PPP1CB: variants seen among roughly 807,000 people sequenced by gnomAD.
PPP1CB encodes the protein serine/threonine-protein phosphatase PP1-beta catalytic subunit.
In PPP1CB, 2 loss-of-function variants were observed where a neutral mutation model predicts 43.7. That is an observed-to-expected ratio of 0.05 (90% confidence interval 0.02 to 0.14). The LOEUF (loss-of-function observed/expected upper bound fraction) is 0.14. Ranked by LOEUF, PPP1CB falls within the 10% of genes least tolerant of loss-of-function variation. PPP1CB has a pLI of 1.00. For synonymous variants in PPP1CB, 136 were observed against 135.6 expected, an observed-to-expected ratio of 1.00 and a Z score of -0.02; for missense variants, 84 against 398.0, an observed-to-expected ratio of 0.21 and a Z score of 6.71.
intron 4 of PPP1CB, chr2:28,782,900 A>G (rs576166256): frequency 1.2e-4 from 19 of 152,330 alleles, no homozygotes; most frequent in African/African-American, 4.6e-4. Flanking sequence ...AACATAATTC[A>G]CTATATTAAT....
rs1304973708 is a variant in PPP1CB, at chr2:28,799,782, TACAG to T, written c.*483_*486del. On this transcript the variant is annotated 3_prime_UTR_variant, in exon 8 of 8. Coordinates refer to ENST00000395366, the MANE Select transcript of PPP1CB (RefSeq NM_002709.3). Reference sequence around the variant, plus strand: ...TAAAAGTGAAATATGGGAAGAGCTTTACAGACATTCACCAACTATTATTTTCCCT... The same window carrying T: ...TAAAAGTGAAATATGGGAAGAGCTTTACATTCACCAACTATTATTTTCCCT... The T allele has an allele frequency of 6.5e-6, 1 of 152,758 alleles. No homozygotes were observed. The highest frequency in any genetic ancestry group is 1.5e-5 in the Non-Finnish European group (1 of 68,118). 9.5% of individuals were successfully genotyped at this position (152,758 alleles called of 1,614,324 possible).
intron 7 of PPP1CB, among the ~76,000 whole-genome samples, chr2:28,796,065 GTTA>G (rs1292486836): frequency 6.6e-6 from 1 of 152,136 alleles, no homozygotes; most frequent in Admixed American, 6.6e-5. Flanking sequence ...TCCATTGCTT[GTTA>G]TTGTTGACTT....
intron 1 of PPP1CB, among the ~76,000 whole-genome samples, 170 bp downstream of exon 1, chr2:28,752,346 G>A (rs962675205): frequency 2.6e-5 from 4 of 152,170 alleles, no homozygotes; most frequent in African/African-American, 9.7e-5. Flanking sequence ...CTCTGGGCGC[G>A]GGGGAGCGGC....
intron 6 of PPP1CB, among the ~76,000 whole-genome samples, chr2:28,791,298 C>T (rs1667378782): frequency 6.6e-6 from 1 of 151,796 alleles, no homozygotes; most frequent in African/African-American, 2.4e-5. Context: ...GTTCCCACAT[C>T]CTTTGATTTT....
rs138283376 is a variant in PPP1CB, at chr2:28,794,730, A to G, written c.879+733A>G. ...TTCCTGAGGAAAAAAAACTTTCAAA[A>G]TAATACTAAACTACCCGTTTATGTC... On this transcript the variant is annotated intron_variant, in intron 7 of 7. Coordinates refer to ENST00000395366, the MANE Select transcript of PPP1CB (RefSeq NM_002709.3). Among the ~76,000 whole-genome samples, 5 of 152,236 alleles carry G rather than the reference A, an allele frequency of 3.3e-5. No individual in the cohort carries two copies. In the East Asian group the frequency reaches 7.7e-4, roughly 23 times the overall value.
chr2:28,771,042 C>T (rs1666898622), intron 1 of PPP1CB, among the ~76,000 whole-genome samples: 2 of 28,130 alleles, frequency 7.1e-5, no homozygotes, highest in Non-Finnish European at 7.2e-5. Context: ...TTCCCTGCTC[C>T]CCCCCCCCCA....
intron 1 of PPP1CB, among the ~76,000 whole-genome samples, chr2:28,772,564 T>C (rs1461476572): frequency 3.3e-5 from 5 of 152,096 alleles, no homozygotes; most frequent in Admixed American, 6.5e-5. Flanking sequence ...AAGATAAATA[T>C]GCCCATGGAT....
chr2:28,757,927 G>A (rs1224225020), intron 1 of PPP1CB, among the ~76,000 whole-genome samples: 1 of 151,572 alleles, frequency 6.6e-6, no homozygotes, highest in Non-Finnish European at 1.5e-5. Context: ...CACATTAAGA[G>A]TCAGGATTAG....
intron 5 of PPP1CB, among the ~76,000 whole-genome samples, chr2:28,784,690 G>A (rs528439516): frequency 6.6e-5 from 10 of 152,060 alleles, no homozygotes; most frequent in African/African-American, 2.4e-4. Context: ...GGCTGAGGTG[G>A]GCAGGATCAC....
rs566586975 is a variant in PPP1CB at position 28,758,322 on chromosome 2, A to G, written c.52+6146A>G. Reference sequence around the variant, plus strand: ...TTCTAACAGGTAAAGTAATACAGGTATGAAGGAATGTTAAGATTCTTAGAA... The same window carrying G: ...TTCTAACAGGTAAAGTAATACAGGTGTGAAGGAATGTTAAGATTCTTAGAA... On this transcript the variant is annotated intron_variant, in intron 1 of 7. Transcript: ENST00000395366. Among the ~76,000 whole-genome samples the G allele has an allele frequency of 3.9e-5, 6 of 152,362 alleles. No individual in the cohort carries two copies. The South Asian group carries it at 8.3e-4, about 21-fold the overall frequency.
chr2:28,752,415 G>A (rs561993065), intron 1 of PPP1CB, among the ~76,000 whole-genome samples: 65 of 152,184 alleles, frequency 4.3e-4, no homozygotes, highest in Admixed American at 6.5e-4. Flanking sequence ...CGGACCCTCG[G>A]GGGCCAGGCC....
At chr2:28,760,885 G>C (rs751058560) in intron 1 of PPP1CB, among the ~76,000 whole-genome samples, 1 of 152,124 alleles carries the variant, frequency 6.6e-6, no homozygotes, top group African/African-American at 2.4e-5. Context: ...AGCCAAACTA[G>C]CGAGACAAAA....
intron 3 of PPP1CB, 67 bp from the exon 4 acceptor site, chr2:28,781,671 C>A: frequency 1.9e-6 from 2 of 1,064,840 alleles, no homozygotes; most frequent in South Asian, 1.5e-5. Flanking sequence ...CATAATCCTG[C>A]GGCTTTGAGA....
Position 28,754,352 on chromosome 2 carries a change from G to A in PPP1CB, c.52+2176G>A, listed in dbSNP as rs1205724135. On this transcript the variant is annotated intron_variant, in intron 1 of 7. Coordinates refer to ENST00000395366, the MANE Select transcript of PPP1CB (RefSeq NM_002709.3). ...TTTCCTTTTTTGGGGGGGCGGGGGG[G>A]GGGCGGGTAAGAATTGTAGTCCAGA... is the stretch of plus-strand genomic sequence containing the variant. 4.8e-5 allele frequency among the ~76,000 whole-genome samples: 6 copies of A among 126,170 alleles called. No individual in the cohort carries two copies. The Admixed American group carries it at 5.0e-4, about 11-fold the overall frequency. The allele number at this position is 126,170 out of a possible 152,430, so 82.8% of individuals were successfully genotyped here.
Position 28,752,326 on chromosome 2 carries a change from G to A in PPP1CB, c.52+150G>A, listed in dbSNP as rs377420299. On this transcript the variant is annotated intron_variant, in intron 1 of 7. Transcript: ENST00000395366. The stretch of plus-strand genomic sequence containing the variant: ...GGCGCGGCGGACGAACCGAGGAGGG[G>A]GCGAGGAGGCTCTGGGCGCGGGGGA... 73 of 767,118 alleles carry A rather than the reference G, an allele frequency of 9.5e-5. No individual in the cohort carries two copies. In the African/African-American group the frequency reaches 1.3e-3, roughly 13 times the overall value. The allele number at this position is 767,118 out of a possible 1,614,324, so 47.5% of individuals were successfully genotyped here.
chr2:28,759,684 C>T lies in PPP1CB; in HGVS notation c.52+7508C>T, dbSNP rs138697470. 6.0e-4 allele frequency among the ~76,000 whole-genome samples: 90 copies of T among 150,808 alleles called. No individual in the cohort carries two copies. In the East Asian group the frequency reaches 0.016, roughly 27 times the overall value. ...CCAGGCTGGAGTGCAGTGACGCGAT[C>T]TCAGTTCACCACAACCTCTGCCTCT... On this transcript the variant is annotated intron_variant, in intron 1 of 7. Coordinates refer to ENST00000395366, the MANE Select transcript of PPP1CB (RefSeq NM_002709.3).
intron 4 of PPP1CB, chr2:28,782,070 A>C (rs1281819576): frequency 6.1e-6 from 3 of 490,790 alleles, no homozygotes; most frequent in Admixed American, 3.8e-5. Flanking sequence ...GTGTAACTAG[A>C]GTTGTTTGAG....
chr2:28,802,601 A>C lies in PPP1CB; in HGVS notation c.*3298A>C, dbSNP rs1667645503. The C allele has an allele frequency of 6.6e-6, 1 of 152,262 alleles. No individual in the cohort carries two copies. The highest frequency in any genetic ancestry group is 6.5e-5 in the Admixed American group (1 of 15,288). 9.4% of individuals were successfully genotyped at this position (152,262 alleles called of 1,614,324 possible). A position where few individuals can be genotyped will look rare whatever the true frequency, so the allele number is the denominator to read the frequency against. Reference sequence around the variant, plus strand: ...ATGAACAGTAGTTAAATAGGAAATAAACTAGTTCCATATAAGTATACACCT... The same window carrying C: ...ATGAACAGTAGTTAAATAGGAAATACACTAGTTCCATATAAGTATACACCT... On this transcript the variant is annotated 3_prime_UTR_variant, in exon 8 of 8. Coordinates refer to ENST00000395366, the MANE Select transcript of PPP1CB (RefSeq NM_002709.3).
At chr2:28,762,719 C>T (rs1666684291) in intron 1 of PPP1CB, among the ~76,000 whole-genome samples, 2 of 152,198 alleles carry the variant, frequency 1.3e-5, no homozygotes, top group African/African-American at 2.4e-5. Context: ...ATGGATCTTA[C>T]ACATGACTTT....
Sources: allele counts gnomAD v4.1 joint callset (sites outside exome capture counted in the v4.1 genomes callset), GRCh38; gene constraint gnomAD v4.1.1; transcripts MANE v1.5; gene names NCBI Gene and HGNC (gene_info 2026-07-23, HGNC 2026-07-21).